RBFOX1: variants seen among roughly 807,000 people sequenced by gnomAD.
The protein encoded by RBFOX1 is RNA binding protein fox-1 homolog 1.
In RBFOX1, 8 loss-of-function variants were observed where a neutral mutation model predicts 57.7. The observed-to-expected ratio is 0.14, with a 90% CI of 0.08 to 0.25. The LOEUF is 0.25. Among genes scored for constraint, RBFOX1 ranks in the 10% least tolerant of loss-of-function variants. The pLI is 1.00. For synonymous variants in RBFOX1, 326 were observed against 222.4 expected, an observed-to-expected ratio of 1.47 and a Z score of -4.15; for missense variants, 611 against 548.5, an observed-to-expected ratio of 1.11 and a Z score of -1.14.
intron 12 of RBFOX1, among the ~76,000 whole-genome samples, chr16:7,660,123 GTA>G (rs1265380167): frequency 6.6e-6 from 1 of 152,124 alleles, no homozygotes; most frequent in Non-Finnish European, 1.5e-5. Flanking sequence ...CGAGCAGATT[GTA>G]TAGTTTGGGC....
intron 3 of RBFOX1, among the ~76,000 whole-genome samples, chr16:6,828,680 T>C (rs1034311785): frequency 6.6e-6 from 1 of 152,032 alleles, no homozygotes; most frequent in African/African-American, 2.4e-5. Context: ...ATGATGTGTT[T>C]GTTAACATCC....
intron 4 of RBFOX1, among the ~76,000 whole-genome samples, chr16:5,971,351 A>G (rs1167994430): frequency 6.6e-6 from 1 of 152,218 alleles, no homozygotes; most frequent in Non-Finnish European, 1.5e-5. Flanking sequence ...AGGAAGAGGA[A>G]GTTCATAGAA....
chr16:7,133,078 T>C lies in RBFOX1; in HGVS notation c.27+80980T>C, dbSNP rs1037423905. Among the ~76,000 whole-genome samples the C allele has an allele frequency of 9.8e-5, 15 of 152,326 alleles. No homozygotes were observed. In the South Asian group the frequency reaches 2.1e-3, roughly 21 times the overall value. On this transcript the variant is annotated intron_variant, in intron 4 of 15. Transcript: ENST00000550418. ...TTGCGTTTCAGAAGTGACCTTATTA[T>C]GGCAAAACTATTTTTTGATATTATG...
At chr16:7,246,878 T>C (rs1189880793) in intron 4 of RBFOX1, among the ~76,000 whole-genome samples, 2 of 152,096 alleles carry the variant, frequency 1.3e-5, no homozygotes, top group African/African-American at 2.4e-5. Flanking sequence ...AGTTCTGCCA[T>C]CCACGAGACA....
intron 4 of RBFOX1, among the ~76,000 whole-genome samples, chr16:7,379,132 T>G (rs2097739512): frequency 6.6e-6 from 1 of 152,192 alleles, no homozygotes; most frequent in Non-Finnish European, 1.5e-5. Flanking sequence ...ATGTCATCAC[T>G]TGTTGTTAAT....
chr16:6,462,989 A>T (rs2094955682), intron 2 of RBFOX1, among the ~76,000 whole-genome samples: 1 of 152,160 alleles, frequency 6.6e-6, no homozygotes, highest in African/African-American at 2.4e-5. Flanking sequence ...GAAACTTGTG[A>T]TAAACACATG....
At chr16:6,107,049 C>G (rs937511649) in intron 1 of RBFOX1, among the ~76,000 whole-genome samples, 3 of 152,210 alleles carry the variant, frequency 2.0e-5, no homozygotes, top group Admixed American at 6.5e-5. Flanking sequence ...CAAACATAAT[C>G]AGCAGCCCAG....
At chr16:7,015,828 A>T (rs1279349824) in intron 3 of RBFOX1, among the ~76,000 whole-genome samples, 1 of 151,546 alleles carries the variant, frequency 6.6e-6, no homozygotes, top group South Asian at 2.1e-4. Context: ...AAGAAATATT[A>T]TTCCACAATA....
chr16:6,149,804 A>C (rs550445537), intron 1 of RBFOX1, among the ~76,000 whole-genome samples: 22 of 152,200 alleles, frequency 1.4e-4, no homozygotes, highest in Admixed American at 4.6e-4. Context: ...GATAGAACTT[A>C]TTTGGAGAAC....
chr16:5,259,774 G>C lies in RBFOX1; in HGVS notation c.219+19669G>C, dbSNP rs536004590. On this transcript the variant is annotated intron_variant, in intron 1 of 2. Transcript: ENST00000585867. ...AGCCGGGTTATGGATCAGCAGAGCTGCCAAAAGCGTTTTGTGGGAAATGTT... is the reference window on the plus strand; with the variant it reads ...AGCCGGGTTATGGATCAGCAGAGCTCCCAAAAGCGTTTTGTGGGAAATGTT... Among the ~76,000 whole-genome samples, 7 of 152,326 alleles carry C rather than the reference G, an allele frequency of 4.6e-5. No individual in the cohort carries two copies. In the East Asian group the frequency reaches 1.3e-3, roughly 29 times the overall value.
chr16:5,575,850 CA>C (rs55753003), intron 2 of RBFOX1, among the ~76,000 whole-genome samples: 354 of 150,428 alleles, frequency 2.4e-3, no homozygotes, highest in African/African-American at 8.3e-3. Context: ...TTCTCTCATT[CA>C]AAAAAAAAAT....
At chr16:7,573,266 A>G (rs138359678) in intron 5 of RBFOX1, among the ~76,000 whole-genome samples, 17 of 152,264 alleles carry the variant, frequency 1.1e-4, no homozygotes, top group African/African-American at 4.1e-4. Context: ...GAGGCCAACA[A>G]GCGACAATGG....
intron 2 of RBFOX1, among the ~76,000 whole-genome samples, chr16:6,435,584 G>A (rs1284765956): frequency 6.6e-6 from 1 of 152,136 alleles, no homozygotes; most frequent in South Asian, 2.1e-4. Flanking sequence ...GATTACAGGT[G>A]TGAGCCACCA....
At chr16:7,095,493 A>T (rs980409657) in intron 4 of RBFOX1, among the ~76,000 whole-genome samples, 2 of 152,148 alleles carry the variant, frequency 1.3e-5, no homozygotes, top group African/African-American at 4.8e-5. Flanking sequence ...CTTAATTTTT[A>T]TCTGTGATGT....
chr16:6,053,013 C>T (rs1042248724), intron 1 of RBFOX1, among the ~76,000 whole-genome samples: 34 of 151,960 alleles, frequency 2.2e-4, no homozygotes, highest in Non-Finnish European at 4.3e-4. Flanking sequence ...CTATTAATAT[C>T]ACCACATCTC....
intron 2 of RBFOX1, among the ~76,000 whole-genome samples, chr16:6,354,431 T>C (rs2086926295): frequency 6.6e-6 from 1 of 152,126 alleles, no homozygotes; most frequent in Non-Finnish European, 1.5e-5. Context: ...ACCAGTCTCT[T>C]CTCCACACAG....
intron 4 of RBFOX1, among the ~76,000 whole-genome samples, chr16:7,285,874 T>TTC (rs1227665330): frequency 6.6e-6 from 1 of 152,218 alleles, no homozygotes; most frequent in Non-Finnish European, 1.5e-5. Flanking sequence ...GAACACAAGA[T>TTC]TCCATTTCTC....
intron 3 of RBFOX1, among the ~76,000 whole-genome samples, chr16:6,868,978 C>T (rs1008869513): frequency 6.6e-6 from 1 of 152,192 alleles, no homozygotes; most frequent in South Asian, 2.1e-4. Context: ...GAGAAACCGT[C>T]TGTCAGCTCA....
intron 3 of RBFOX1, among the ~76,000 whole-genome samples, chr16:6,980,850 C>G (rs2088587136): frequency 6.6e-6 from 1 of 152,020 alleles, no homozygotes; most frequent in East Asian, 1.9e-4. Flanking sequence ...CAAAACCAGT[C>G]TGGCTAACAT....
Sources: allele counts gnomAD v4.1 joint callset (sites outside exome capture counted in the v4.1 genomes callset), GRCh38; gene constraint gnomAD v4.1.1; transcripts MANE v1.5; gene names NCBI Gene and HGNC (gene_info 2026-07-23, HGNC 2026-07-21).